The following UNC13C variants were observed in gnomAD, a reference collection of about 807,000 sequenced individuals.
UNC13C encodes unc-13 homolog C.
A neutral mutation model predicts 245.4 loss-of-function variants in UNC13C; 174 were observed. That is an observed-to-expected ratio of 0.71 (90% CI 0.63 to 0.80). The LOEUF is 0.80. Among genes scored for constraint, UNC13C ranks in the 30% least tolerant of loss-of-function variants. UNC13C has a pLI of 0.00. For synonymous variants in UNC13C, 992 were observed against 895.1 expected (o/e 1.11, Z -1.93); for missense variants, 2,829 against 2,602.9 (o/e 1.09, Z -1.89).
At chr15:53,885,363 A>G in the UNC13C span, among the ~76,000 whole-genome samples, 10 of 152,212 alleles carry the variant, frequency 6.6e-5, no homozygotes, top group African/African-American at 2.4e-4. Context: ...CACTGTCTAC[A>G]GGCTGACTTC....
chr15:54,629,798 C>G (rs370572838), downstream of UNC13C: 1 of 152,126 alleles, frequency 6.6e-6, no homozygotes, highest in Non-Finnish European at 1.5e-5. Context: ...TATTTTTTCC[C>G]TGACATGTTT....
intron 19 of UNC13C, among the ~76,000 whole-genome samples, chr15:54,476,743 G>C (rs1381392549): frequency 6.8e-6 from 1 of 147,766 alleles, no homozygotes; most frequent in Non-Finnish European, 1.5e-5. Flanking sequence ...CAGGTAGCAT[G>C]ATGCCTCCAG....
At chr15:54,321,563 G>A (rs10163185) in intron 13 of UNC13C, 78,717 of 403,628 alleles carry the variant, frequency 0.2, 8,724 homozygotes, top group Middle Eastern at 0.29. Flanking sequence ...GCCTGTGAGT[G>A]TTCCCCGTCA....
chr15:54,000,846 T>G (rs17664364), intron 1 of UNC13C, among the ~76,000 whole-genome samples: 13,985 of 152,234 alleles, frequency 0.092, 777 homozygotes, highest in Middle Eastern at 0.19. Flanking sequence ...ATGTACCAAC[T>G]TCCCAGCAAT....
At chr15:54,074,945 C>G (rs1476527141) in intron 2 of UNC13C, among the ~76,000 whole-genome samples, 3 of 152,090 alleles carry the variant, frequency 2.0e-5, no homozygotes, top group Non-Finnish European at 4.4e-5. Context: ...TCTTTCTATT[C>G]TCAGTTCTTC....
At chr15:53,919,223 C>T in the UNC13C span, among the ~76,000 whole-genome samples, 2 of 152,188 alleles carry the variant, frequency 1.3e-5, no homozygotes, top group African/African-American at 4.8e-5. Context: ...GGTGTCTCAA[C>T]TACTTTAATT....
the UNC13C span, among the ~76,000 whole-genome samples, chr15:53,923,307 G>A: frequency 6.6e-6 from 1 of 152,182 alleles, no homozygotes; most frequent in Non-Finnish European, 1.5e-5. Flanking sequence ...CCAGACTACT[G>A]CCTGGCATAT....
At chr15:54,582,696 C>T (rs1898256540) in intron 30 of UNC13C, among the ~76,000 whole-genome samples, 1 of 152,218 alleles carries the variant, frequency 6.6e-6, no homozygotes, top group East Asian at 1.9e-4. Context: ...TGTGAGTCCC[C>T]TGGGTAAATC....
chr15:54,058,234 AAG>A (rs1286287716), intron 2 of UNC13C, among the ~76,000 whole-genome samples: 1 of 152,178 alleles, frequency 6.6e-6, no homozygotes, highest in Non-Finnish European at 1.5e-5. Flanking sequence ...TAAAGAAGAA[AAG>A]AGAGAAGAAT....
chr15:54,595,686 C>T (rs1001436079), intron 30 of UNC13C, among the ~76,000 whole-genome samples: 1 of 152,210 alleles, frequency 6.6e-6, no homozygotes, highest in South Asian at 2.1e-4. Flanking sequence ...ACTAAAACTA[C>T]ATTGGAAACA....
chr15:54,535,924 A>G (rs1316776921), intron 26 of UNC13C, among the ~76,000 whole-genome samples: 1 of 152,138 alleles, frequency 6.6e-6, no homozygotes, highest in Non-Finnish European at 1.5e-5. Flanking sequence ...TAGAAAAGCT[A>G]GGAAAACAAG....
the UNC13C span, among the ~76,000 whole-genome samples, chr15:53,926,252 G>A: frequency 6.6e-6 from 1 of 152,070 alleles, no homozygotes; most frequent in Non-Finnish European, 1.5e-5. Flanking sequence ...GGGAGGGTAG[G>A]TAATTGTGAA....
chr15:54,204,535 A>C (rs1245659383), intron 4 of UNC13C, among the ~76,000 whole-genome samples: 1 of 152,014 alleles, frequency 6.6e-6, no homozygotes, highest in African/African-American at 2.4e-5. Context: ...TAAAGTATCA[A>C]ATTCTCTCTC....
chr15:54,058,369 G>T (rs2141069679), intron 2 of UNC13C, among the ~76,000 whole-genome samples: 1 of 152,304 alleles, frequency 6.6e-6, no homozygotes, highest in East Asian at 1.9e-4. Context: ...TAGAAGGAAT[G>T]GATAAGTTCC....
intron 2 of UNC13C, among the ~76,000 whole-genome samples, chr15:54,029,631 C>T (rs1896271617): frequency 6.6e-6 from 1 of 152,128 alleles, no homozygotes; most frequent in African/African-American, 2.4e-5. Context: ...ATTACCTATT[C>T]ATTATTATTA....
At chr15:54,305,620 G>C (rs2037705326) in intron 13 of UNC13C, among the ~76,000 whole-genome samples, 1 of 151,920 alleles carries the variant, frequency 6.6e-6, no homozygotes, top group Admixed American at 6.6e-5. Flanking sequence ...AACAATAAAA[G>C]TAACCGGAAA....
At chr15:53,989,950 T>G (rs1894310647) in intron 1 of UNC13C, among the ~76,000 whole-genome samples, 1 of 151,930 alleles carries the variant, frequency 6.6e-6, no homozygotes, top group Non-Finnish European at 1.5e-5. Context: ...CTGACATGAT[T>G]CCATATTTAT....
chr15:54,596,062 G>A (rs193065262), intron 30 of UNC13C, among the ~76,000 whole-genome samples: 6 of 152,198 alleles, frequency 3.9e-5, no homozygotes, highest in East Asian at 1.9e-4. Context: ...ATGTTTTAAC[G>A]AAGCTTATTG....
the UNC13C span, among the ~76,000 whole-genome samples, chr15:53,868,815 G>T: frequency 6.6e-6 from 1 of 152,176 alleles, no homozygotes; most frequent in Non-Finnish European, 1.5e-5. Flanking sequence ...TCTCACTAGG[G>T]CCATATTAAA....
Sources: gnomAD v4.1 joint callset for allele counts (sites outside exome capture counted in the v4.1 genomes callset) on GRCh38, gnomAD v4.1.1 for gene constraint, MANE v1.5 for transcripts, NCBI Gene and HGNC (gene_info 2026-07-23, HGNC 2026-07-21) for gene names.